The following WDFY3 variants were observed in gnomAD, a reference collection of about 807,000 sequenced individuals.
WDFY3 encodes the protein WD repeat and FYVE domain-containing protein 3.
A neutral mutation model predicts 409.6 loss-of-function variants in WDFY3; 66 were observed. The observed-to-expected ratio is 0.16, with a 90% CI of 0.13 to 0.20. WDFY3 has a LOEUF of 0.20. Ranked by LOEUF, WDFY3 falls within the 10% of genes least tolerant of loss-of-function variation. The pLI is 1.00. For synonymous variants in WDFY3, 1,521 were observed against 1,537.1 expected (o/e 0.99, Z 0.25); for missense variants, 3,031 against 4,298.1 (o/e 0.71, Z 8.24).
intron 30 of WDFY3, among the ~76,000 whole-genome samples, chr4:84,768,726 A>C (rs1029045781): frequency 2.6e-5 from 4 of 152,228 alleles, no homozygotes; most frequent in Non-Finnish European, 5.9e-5. Flanking sequence ...ATGCTTGCTA[A>C]TATATCCATT....
chr4:84,958,492 C>G (rs1774516926), intron 1 of WDFY3, among the ~76,000 whole-genome samples: 1 of 152,114 alleles, frequency 6.6e-6, no homozygotes, highest in Admixed American at 6.5e-5. Context: ...AATAAACCAG[C>G]TATTAAGTTT....
intron 44 of WDFY3, among the ~76,000 whole-genome samples, chr4:84,730,587 A>G (rs72613141): frequency 0.093 from 14,219 of 152,180 alleles, 932 homozygotes; most frequent in East Asian, 0.25. Context: ...TCAGTTTCTC[A>G]TCTGTAAAAC....
intron 44 of WDFY3, among the ~76,000 whole-genome samples, chr4:84,727,242 AAAAAAAC>A (rs1560608387): frequency 6.6e-6 from 1 of 152,176 alleles, no homozygotes; most frequent in African/African-American, 2.4e-5. Context: ...TTGTTTAAAA[AAAAAAAC>A]AAAAAACAAA....
chr4:84,934,276 C>A (rs1317431067), intron 1 of WDFY3, among the ~76,000 whole-genome samples: 3 of 152,104 alleles, frequency 2.0e-5, no homozygotes, highest in Non-Finnish European at 2.9e-5. Context: ...TGATCAATGA[C>A]ACTGAGCACC....
intron 40 of WDFY3, 126 bp downstream of exon 40, chr4:84,738,884 T>TA: frequency 1.3e-6 from 1 of 784,300 alleles, no homozygotes; most frequent in Non-Finnish European, 2.1e-6. Flanking sequence ...TCTTTATGTA[T>TA]AGGTTGCCCT....
intron 4 of WDFY3, among the ~76,000 whole-genome samples, chr4:84,859,023 G>A (rs1760170504): frequency 6.6e-6 from 1 of 152,018 alleles, no homozygotes; most frequent in East Asian, 1.9e-4. Flanking sequence ...AAGGCAGGCA[G>A]ACACAGGATA....
At chr4:84,758,672 A>C (rs1243908378) in intron 32 of WDFY3, among the ~76,000 whole-genome samples, 4 of 152,198 alleles carry the variant, frequency 2.6e-5, no homozygotes, top group African/African-American at 9.6e-5. Flanking sequence ...TTTTATCCTA[A>C]CCAATTCCTC....
In WDFY3 at chr4:84,720,380, A is replaced by C. The variant is rs1734654098; in HGVS notation, c.7605+1029T>G. Among the ~76,000 whole-genome samples, 2 of 152,186 alleles carry C rather than the reference A, an allele frequency of 1.3e-5. 1 individual carries two copies. Among genetic ancestry groups the C allele is most frequent in the South Asian group, 4.1e-4 (2 of 4,830 alleles). On this transcript the variant is annotated intron_variant, in intron 47 of 67. Coordinates refer to ENST00000295888, the MANE Select transcript of WDFY3 (RefSeq NM_014991.6). The stretch of plus-strand genomic sequence containing the variant: ...ATAACACACAGGATTTATTAGGATA[A>C]AGGTTATGCAAGTAAAAGGAAGGGG...
Position 84,696,771 on chromosome 4 carries a change from T to G in WDFY3, c.8649A>C (p.Ala2883=). ...TGATGAATTCTCGTGGGTCCCCTTT[T>G]GCCCAGGGTGGAAGGATAACATCTC... The part of the protein sequence containing the change: ...KLGDVILPPW[A]KGDPREFIRV... The change falls in exon 57 of 68, where the codon GCA becomes GCC. Residue 2883 remains alanine (A), a synonymous_variant. Coordinates refer to ENST00000295888, the MANE Select transcript of WDFY3 (RefSeq NM_014991.6). 6.2e-7 allele frequency: 1 copy of G among 1,614,058 alleles called. No individual in the cohort carries two copies. Among genetic ancestry groups the G allele is most frequent in the Non-Finnish European group, 8.5e-7 (1 of 1,179,956 alleles).
At chr4:84,677,102 G>T in intron 67 of WDFY3, 97 bp downstream of exon 67, 1 of 1,408,272 alleles carries the variant, frequency 7.1e-7, no homozygotes, top group Non-Finnish European at 9.8e-7. Flanking sequence ...ATACTGTAGT[G>T]GGGACGCCAG....
intron 4 of WDFY3, among the ~76,000 whole-genome samples, chr4:84,850,938 T>G (rs1253381845): frequency 3.3e-5 from 2 of 59,862 alleles, no homozygotes; most frequent in Non-Finnish European, 3.8e-5. Flanking sequence ...GTTTTTTTTT[T>G]TTTTTTTTTT....
chr4:84,752,816 T>C (rs1740767835), intron 35 of WDFY3, among the ~76,000 whole-genome samples: 1 of 152,190 alleles, frequency 6.6e-6, no homozygotes, highest in Admixed American at 6.5e-5. Context: ...TATGGAGGAA[T>C]AACTATCTTT....
chr4:84,901,126 G>A (rs769692873), intron 2 of WDFY3, among the ~76,000 whole-genome samples: 2 of 152,140 alleles, frequency 1.3e-5, no homozygotes, highest in African/African-American at 4.8e-5. Flanking sequence ...ATAAAGGCTC[G>A]TTTAGAAGGG....
intron 55 of WDFY3, among the ~76,000 whole-genome samples, chr4:84,703,899 CT>C (rs1489591756): frequency 6.6e-6 from 1 of 152,178 alleles, no homozygotes; most frequent in Non-Finnish European, 1.5e-5. Flanking sequence ...ACAGGTAAGG[CT>C]TTTCTCTTTA....
intron 17 of WDFY3, 32 bp downstream of exon 17, chr4:84,801,618 T>C (rs2149648979): frequency 6.4e-7 from 1 of 1,572,118 alleles, no homozygotes; most frequent in East Asian, 2.3e-5. Flanking sequence ...CATTACTAAT[T>C]GTGGACTATT....
At position 84,801,763 on chromosome 4, in the gene WDFY3, T is replaced by A; in HGVS notation, c.2709A>T (p.Arg903=). 1.9e-6 allele frequency: 3 copies of A among 1,614,106 alleles called. No individual in the cohort carries two copies. Among genetic ancestry groups the A allele is most frequent in the Non-Finnish European group, 2.5e-6 (3 of 1,180,030 alleles). The part of the protein sequence containing the change: ...QVMCEAGLHA[R]LLQRCSAALA... ...ATGCAGCACTGCACCTCTGCAGCAG[T>A]CGTGCATGAAGACCAGCTTCACACA... Residue 903 remains arginine (R), a synonymous_variant, in exon 17 of 68, where the codon CGA becomes CGT. Transcript: ENST00000295888.
At chr4:84,884,923 G>A in intron 3 of WDFY3, among the ~76,000 whole-genome samples, 1 of 152,252 alleles carries the variant, frequency 6.6e-6, no homozygotes, top group East Asian at 1.9e-4. Context: ...CACATACGGA[G>A]GTGCGTTCAA....
intron 1 of WDFY3, among the ~76,000 whole-genome samples, chr4:84,933,187 CTTTA>C (rs1052712801): frequency 3.3e-5 from 5 of 152,030 alleles, no homozygotes; most frequent in Admixed American, 6.6e-5. Flanking sequence ...TGTTATGTAA[CTTTA>C]TTTGTTAAAC....
chr4:84,800,660 A>G (rs1750354378), intron 17 of WDFY3, among the ~76,000 whole-genome samples: 1 of 152,140 alleles, frequency 6.6e-6, no homozygotes, highest in Non-Finnish European at 1.5e-5. Flanking sequence ...TTTTGGCATC[A>G]GGGAGCGGTT....
Sources: allele counts gnomAD v4.1 joint callset (sites outside exome capture counted in the v4.1 genomes callset), GRCh38; gene constraint gnomAD v4.1.1; transcripts MANE v1.5; gene names NCBI Gene and HGNC (gene_info 2026-07-23, HGNC 2026-07-21).